The following RALGPS1 variants were observed in gnomAD, a reference collection of about 807,000 sequenced individuals.
The protein encoded by RALGPS1 is ras-specific guanine nucleotide-releasing factor RalGPS1.
RALGPS1 carries 19 observed loss-of-function variants against 78.8 expected under a neutral mutation model. The ratio of observed to expected loss-of-function variants is 0.24; its 90% CI spans 0.17 to 0.35. The LOEUF (loss-of-function observed/expected upper bound fraction) is 0.35, where lower values mean the gene tolerates loss of function less well. Ranked by LOEUF, RALGPS1 falls within the 10% of genes least tolerant of loss-of-function variation. The pLI, the probability that RALGPS1 is intolerant of heterozygous loss-of-function variation, is 1.00. For missense variants in RALGPS1, 454 were observed against 688.3 expected (o/e 0.66, Z 3.81); for synonymous variants, 228 against 256.3 (o/e 0.89, Z 1.06).
chr9:126,999,990 C>T, intron 4 of RALGPS1, among the ~76,000 whole-genome samples: 1 of 152,062 alleles, frequency 6.6e-6, no homozygotes, highest in East Asian at 1.9e-4. Flanking sequence ...AAATTTATTC[C>T]CATGAAGTTG....
intron 1 of RALGPS1, among the ~76,000 whole-genome samples, chr9:126,946,657 A>G (rs2037303030): frequency 6.6e-6 from 1 of 151,604 alleles, no homozygotes; most frequent in Non-Finnish European, 1.5e-5. Flanking sequence ...GGGAAGCTTC[A>G]CTATTCAGGC....
intron 4 of RALGPS1, among the ~76,000 whole-genome samples, chr9:127,019,381 G>A (rs2045223262): frequency 6.6e-6 from 1 of 152,080 alleles, no homozygotes; most frequent in South Asian, 2.1e-4. Context: ...AGGCTGGAGT[G>A]CAGTGGTGCA....
rs141782970 is a variant in RALGPS1 at position 127,208,967 on chromosome 9, A to G, written c.1248-3164A>G. On this transcript the variant is annotated intron_variant, in intron 14 of 18. Coordinates refer to ENST00000259351, the MANE Select transcript of RALGPS1 (RefSeq NM_014636.3). ...CACATTCTCCTCAGGTAGCGGGGAA[A>G]AAGACTCACGAGAAGAAAAGTGGCA... Among the ~76,000 whole-genome samples, 32 of 152,322 alleles carry G rather than the reference A, an allele frequency of 2.1e-4. No individual in the cohort carries two copies. In the East Asian group the frequency reaches 5.6e-3, roughly 27 times the overall value.
In RALGPS1 at chr9:127,195,119, G is replaced by A; in HGVS notation, c.939G>A (p.Arg313=). ...CCTCTGCTGGCTCCGGTTCTGCGAG[G>A]TTCAGCCGGAGGCCCACCTGTCCTG... ...AGPSAGSGSA[R]FSRRPTCPDT... The change falls in exon 12 of 19, where the codon AGG becomes AGA. Residue 313 remains arginine (R), a synonymous_variant. Coordinates refer to ENST00000259351, the MANE Select transcript of RALGPS1 (RefSeq NM_014636.3). 6.2e-7 allele frequency: 1 copy of A among 1,613,478 alleles called. No homozygotes were observed. Among genetic ancestry groups the A allele is most frequent in the South Asian group, 1.1e-5 (1 of 91,074 alleles).
chr9:127,125,341 A>G, intron 8 of RALGPS1, among the ~76,000 whole-genome samples: 1 of 152,318 alleles, frequency 6.6e-6, no homozygotes, highest in East Asian at 1.9e-4. Context: ...AGAGGAGTGA[A>G]TAAACGAACT....
intron 7 of RALGPS1, among the ~76,000 whole-genome samples, chr9:127,053,330 C>G (rs748122210): frequency 2.0e-5 from 3 of 152,136 alleles, no homozygotes; most frequent in Non-Finnish European, 2.9e-5. Context: ...ACTAGCCATA[C>G]CGCTAAGTTT....
intron 4 of RALGPS1, among the ~76,000 whole-genome samples, chr9:126,995,398 A>G (rs2042647619): frequency 6.6e-6 from 1 of 152,232 alleles, no homozygotes. Context: ...CTCATAAAAC[A>G]GACTTTAAAC....
chr9:127,117,287 A>G (rs2055537081), intron 8 of RALGPS1, among the ~76,000 whole-genome samples: 1 of 152,174 alleles, frequency 6.6e-6, no homozygotes, highest in Non-Finnish European at 1.5e-5. Flanking sequence ...TCATCTGGTT[A>G]TCTCCCTCCT....
chr9:127,055,931 G>C (rs1248623677), intron 7 of RALGPS1, among the ~76,000 whole-genome samples: 1 of 152,236 alleles, frequency 6.6e-6, no homozygotes, highest in Non-Finnish European at 1.5e-5. Flanking sequence ...GGTTGCTGGA[G>C]TGCAGCAGAA....
In RALGPS1 at chr9:127,219,002, G is replaced by A. The variant is rs2062703735; in HGVS notation, c.*233G>A. 1 of 578,292 alleles carries A rather than the reference G, an allele frequency of 1.7e-6. No individual in the cohort carries two copies. Among genetic ancestry groups the A allele is most frequent in the Non-Finnish European group, 3.1e-6 (1 of 322,410 alleles). 35.8% of individuals were successfully genotyped at this position (578,292 alleles called of 1,614,324 possible). A position where few individuals can be genotyped will look rare whatever the true frequency, so the allele number is the denominator to read the frequency against. Reference sequence around the variant, plus strand: ...TCATTCTGCAGCACCGCCTCTTGGGGCAGTGGTCAGACCCCACACGCCCTC... The same window carrying A: ...TCATTCTGCAGCACCGCCTCTTGGGACAGTGGTCAGACCCCACACGCCCTC... On this transcript the variant is annotated 3_prime_UTR_variant, in exon 19 of 19. Coordinates refer to ENST00000259351, the MANE Select transcript of RALGPS1 (RefSeq NM_014636.3). The surrounding 1 kb of genome is among the most constrained non-coding windows in gnomAD (Gnocchi z 5.0).
intron 9 of RALGPS1, among the ~76,000 whole-genome samples, chr9:127,167,780 C>T (rs192980419): frequency 1.3e-5 from 2 of 152,342 alleles, no homozygotes; most frequent in East Asian, 1.9e-4. Flanking sequence ...AGGGTCCTTC[C>T]TCGCCCTCTT....
chr9:127,175,092 C>G (rs2059783918), intron 11 of RALGPS1, among the ~76,000 whole-genome samples: 1 of 152,272 alleles, frequency 6.6e-6, no homozygotes, highest in South Asian at 2.1e-4. Context: ...GCCCCAGCAT[C>G]TTCTCCAGGC....
chr9:127,017,024 G>T (rs922957637), intron 4 of RALGPS1: 2 of 152,100 alleles, frequency 1.3e-5, no homozygotes, highest in Non-Finnish European at 2.9e-5. Context: ...TTAAAAAAAA[G>T]ACCAGATTTC....
At chr9:126,934,407 A>T (rs2036075175) in intron 1 of RALGPS1, among the ~76,000 whole-genome samples, 1 of 152,204 alleles carries the variant, frequency 6.6e-6, no homozygotes, top group Admixed American at 6.5e-5. Context: ...TGCCCTGACC[A>T]TAGTGAAATG....
At chr9:127,053,061 A>T (rs1428918116) in intron 7 of RALGPS1, 122 bp downstream of exon 7, 1 of 711,838 alleles carries the variant, frequency 1.4e-6, no homozygotes, top group African/African-American at 1.8e-5. Context: ...AGTTACTATG[A>T]GTTGATGACA....
chr9:127,098,137 C>G (rs2053340708), intron 8 of RALGPS1, among the ~76,000 whole-genome samples: 1 of 152,174 alleles, frequency 6.6e-6, no homozygotes, highest in Non-Finnish European at 1.5e-5. Flanking sequence ...AGATATTTAC[C>G]AGTAGATGTT....
intron 1 of RALGPS1, among the ~76,000 whole-genome samples, chr9:126,939,700 C>T (rs2036578267): frequency 6.6e-6 from 1 of 152,236 alleles, no homozygotes; most frequent in African/African-American, 2.4e-5. Context: ...TCCTGTCCCT[C>T]TCTGAGAGTG....
At chr9:127,012,194 G>A (rs1208160174) in intron 4 of RALGPS1, among the ~76,000 whole-genome samples, 1 of 152,164 alleles carries the variant, frequency 6.6e-6, no homozygotes, top group East Asian at 1.9e-4. Context: ...TTCTTCAGTG[G>A]AAAATATGAA....
intron 1 of RALGPS1, among the ~76,000 whole-genome samples, chr9:126,952,097 T>G (rs2037879341): frequency 6.6e-6 from 1 of 152,204 alleles, no homozygotes; most frequent in Non-Finnish European, 1.5e-5. Flanking sequence ...TACTTAGGAA[T>G]CCAACTTACA....
Sources: gnomAD v4.1 joint callset for allele counts (sites outside exome capture counted in the v4.1 genomes callset) on GRCh38, gnomAD v4.1.1 for gene constraint, Gnocchi (gnomAD v3.1) non-coding constraint, MANE v1.5 for transcripts, NCBI Gene and HGNC (gene_info 2026-07-23, HGNC 2026-07-21) for gene names.